Variants in PTK2 observed in about 807,000 individuals in gnomAD.
The protein encoded by PTK2 is focal adhesion kinase 1.
A neutral mutation model predicts 150.1 loss-of-function variants in PTK2; 45 were observed. The observed-to-expected ratio is 0.30, with a 90% CI of 0.24 to 0.38. The LOEUF (loss-of-function observed/expected upper bound fraction) is 0.38. PTK2 is among the 10% of genes least tolerant of loss of function. PTK2 has a pLI of 1.00. For missense variants in PTK2, 919 were observed against 1,307.3 expected (o/e 0.70, Z 4.58); for synonymous variants, 432 against 449.2 (o/e 0.96, Z 0.48).
intron 8 of PTK2, among the ~76,000 whole-genome samples, chr8:140,826,467 C>T (rs1243972419): frequency 6.6e-6 from 1 of 152,134 alleles, no homozygotes; most frequent in Non-Finnish European, 1.5e-5. Flanking sequence ...CAGTGATTCC[C>T]TTATTAAAAA....
At chr8:140,678,107 C>T (rs906212373) in intron 27 of PTK2, among the ~76,000 whole-genome samples, 2 of 152,166 alleles carry the variant, frequency 1.3e-5, no homozygotes, top group Non-Finnish European at 2.9e-5. Flanking sequence ...AGTGTAGTGG[C>T]ACAATCTTGG....
At chr8:140,806,643 T>C (rs2100098327) in intron 10 of PTK2, among the ~76,000 whole-genome samples, 1 of 152,186 alleles carries the variant, frequency 6.6e-6, no homozygotes. Flanking sequence ...TCCCTATCAC[T>C]TTCCTACACC....
chr8:140,873,516 A>G (rs2100143797), intron 4 of PTK2, among the ~76,000 whole-genome samples: 1 of 151,428 alleles, frequency 6.6e-6, no homozygotes, highest in Non-Finnish European at 1.5e-5. Flanking sequence ...CCTAGGCTGG[A>G]GTGGAGTGGC....
chr8:140,902,924 GTTTTTTTTT>G (rs61261890), intron 2 of PTK2, among the ~76,000 whole-genome samples: 308 of 58,694 alleles, frequency 5.2e-3, no homozygotes, highest in African/African-American at 0.012. Context: ...GATGAGAGTT[GTTTTTTTTT>G]TTTTTTTTTT....
At chr8:140,827,117 C>T (rs993853231) in intron 8 of PTK2, among the ~76,000 whole-genome samples, 2 of 152,114 alleles carry the variant, frequency 1.3e-5, no homozygotes, top group Admixed American at 1.3e-4. Context: ...AAAAAGAGAT[C>T]ATACTGCACA....
chr8:140,700,261 T>C (rs147663391), intron 26 of PTK2, among the ~76,000 whole-genome samples: 5 of 152,240 alleles, frequency 3.3e-5, no homozygotes, highest in Non-Finnish European at 7.4e-5. Flanking sequence ...CTTACCGTAA[T>C]CTAGAACTCC....
intron 26 of PTK2, among the ~76,000 whole-genome samples, chr8:140,693,564 TAAAAAAAAAAAAAAA>T (rs377205785): frequency 7.2e-4 from 52 of 72,456 alleles, no homozygotes; most frequent in African/African-American, 2.4e-3. Flanking sequence ...TTGTCTCAAT[TAAAAAAAAAAAAAAA>T]AAAAAAAAAA....
intron 27 of PTK2, among the ~76,000 whole-genome samples, chr8:140,682,926 C>A (rs1234729993): frequency 1.3e-5 from 2 of 152,120 alleles, no homozygotes; most frequent in African/African-American, 4.8e-5. Context: ...AATAACCTGA[C>A]ATCACACCTT....
chr8:140,935,702 C>CTTTTTTT lies in PTK2; in HGVS notation c.-121-9960_-121-9954dup, dbSNP rs34554819. 3.9e-3 allele frequency among the ~76,000 whole-genome samples: 478 copies of CTTTTTTT among 123,842 alleles called. 24 individuals are homozygous for CTTTTTTT. Among genetic ancestry groups the CTTTTTTT allele is most frequent in the African/African-American group, 0.014 (450 of 32,970 alleles). 81.2% of individuals were successfully genotyped at this position (123,842 alleles called of 152,430 possible). A position where few individuals can be genotyped will look rare whatever the true frequency, so the allele number is the denominator to read the frequency against. On this transcript the variant is annotated intron_variant, in intron 1 of 31. Transcript: ENST00000522684. ...ATCTCAATGCTCAGTATGTCCTCAT[C>CTTTTTTT]TTTTTTTTTTTTTTTGAGACAGAGT...
intron 3 of PTK2, among the ~76,000 whole-genome samples, chr8:140,888,457 T>C (rs967460534): frequency 6.6e-5 from 10 of 152,240 alleles, no homozygotes; most frequent in African/African-American, 2.4e-4. Context: ...TGAAAATCAC[T>C]GACTGATAAT....
At chr8:140,841,553 G>A (rs1436503439) in intron 7 of PTK2, among the ~76,000 whole-genome samples, 2 of 151,770 alleles carry the variant, frequency 1.3e-5, no homozygotes, top group Non-Finnish European at 1.5e-5. Context: ...TTTAAAAATC[G>A]GATCTTAAAA....
intron 14 of PTK2, among the ~76,000 whole-genome samples, chr8:140,782,352 C>T (rs550690329): frequency 2.0e-4 from 31 of 151,682 alleles, no homozygotes; most frequent in Admixed American, 1.9e-3. Flanking sequence ...TCAAGAGATC[C>T]TCCTACCTCA....
chr8:140,674,723 GAAC>G (rs1371066614), intron 28 of PTK2, among the ~76,000 whole-genome samples: 2 of 150,966 alleles, frequency 1.3e-5, no homozygotes, highest in African/African-American at 2.4e-5. Context: ...TAGGCAACAA[GAAC>G]AAAACTCCGT....
chr8:140,665,139 G>T (rs775082106), intron 30 of PTK2, 142 bp from the exon 35 acceptor site: 76 of 717,082 alleles, frequency 1.1e-4, no homozygotes, highest in Non-Finnish European at 1.7e-4. Flanking sequence ...GCCCTATCTT[G>T]TAAGTTATGA....
chr8:140,674,410 G>A lies in PTK2; in HGVS notation c.2603-6C>T, dbSNP rs770723905. 2.5e-6 allele frequency: 4 copies of A among 1,578,618 alleles called. No individual in the cohort carries two copies. In the Admixed American group the frequency reaches 5.5e-5, roughly 22 times the overall value. On this transcript the variant is annotated splice_polypyrimidine_tract_variant and splice_region_variant and intron_variant, in intron 28 of 31. Transcript: ENST00000522684. ...CTTTGGTGGAGCTGCAGGATCTGGTGAGAGAGAATGATTCCCATTAAGTCA... is the reference window on the plus strand; with the variant it reads ...CTTTGGTGGAGCTGCAGGATCTGGTAAGAGAGAATGATTCCCATTAAGTCA...
chr8:140,667,047 T>C (rs904058355), intron 30 of PTK2, among the ~76,000 whole-genome samples: 5 of 152,174 alleles, frequency 3.3e-5, no homozygotes, highest in Admixed American at 6.5e-5. Flanking sequence ...ATTCCACTTA[T>C]AAGCGGTACC....
chr8:140,853,296 T>C (rs6983409), intron 5 of PTK2, among the ~76,000 whole-genome samples: 34,083 of 150,300 alleles, frequency 0.23, 4,784 homozygotes, highest in East Asian at 0.48. Flanking sequence ...ACCCATTAAC[T>C]TGTCATTTAC....
At position 140,889,000 on chromosome 8, in the gene PTK2, C is replaced by CA. The variant is rs1407100525; in HGVS notation, c.195+1542dup. Among the ~76,000 whole-genome samples the CA allele has an allele frequency of 2.6e-5, 4 of 151,980 alleles. No individual in the cohort carries two copies. The East Asian group carries it at 7.7e-4, about 29-fold the overall frequency. The stretch of plus-strand genomic sequence containing the variant: ...AAACCTTATGGCAGGATGCTCATTG[C>CA]AGGCCTTTCTACCAAATGACAGTGT... On this transcript the variant is annotated intron_variant, in intron 3 of 31. Transcript: ENST00000522684.
At chr8:140,881,052 CA>C (rs750282748) in intron 3 of PTK2, among the ~76,000 whole-genome samples, 3 of 152,092 alleles carry the variant, frequency 2.0e-5, no homozygotes, top group Non-Finnish European at 2.9e-5. Flanking sequence ...CTGGAAGAGT[CA>C]AAGACAGGTT....
Sources: allele counts gnomAD v4.1 joint callset (sites outside exome capture counted in the v4.1 genomes callset), GRCh38; gene constraint gnomAD v4.1.1; transcripts MANE v1.5; gene names NCBI Gene and HGNC (gene_info 2026-07-23, HGNC 2026-07-21).